Variants in DTX4 observed in about 807,000 individuals in gnomAD.
DTX4 encodes the protein deltex E3 ubiquitin ligase 4.
A neutral mutation model predicts 57.6 loss-of-function variants in DTX4; 28 were observed. The observed-to-expected ratio is 0.49, with a 90% CI of 0.36 to 0.67. The LOEUF (loss-of-function observed/expected upper bound fraction) is 0.67. DTX4 is among the 30% of genes least tolerant of loss of function. The pLI is 0.00. For missense variants in DTX4, 715 were observed against 836.8 expected, an observed-to-expected ratio of 0.85 and a Z score of 1.80; for synonymous variants, 316 against 331.0, an observed-to-expected ratio of 0.95 and a Z score of 0.49.
At chr11:59,188,932 G>A in intron 3 of DTX4, 136 bp downstream of exon 3, 1 of 967,258 alleles carries the variant, frequency 1.0e-6, no homozygotes. Flanking sequence ...AATTGCATGG[G>A]AAGGGTATGA....
chr11:59,171,788 T>C (rs539986537), upstream of DTX4, among the ~76,000 whole-genome samples: 39 of 151,786 alleles, frequency 2.6e-4, no homozygotes, highest in African/African-American at 9.2e-4. Flanking sequence ...AGACAATGCG[T>C]GTCTCCAGTT....
chr11:59,204,923 T>G lies in DTX4; in HGVS notation c.*14T>G, dbSNP rs1862786165. 6.4e-7 allele frequency: 1 copy of G among 1,562,032 alleles called. No homozygotes were observed. The highest frequency in any genetic ancestry group is 8.7e-7 in the Non-Finnish European group (1 of 1,152,082). On this transcript the variant is annotated 3_prime_UTR_variant, in exon 9 of 9. Coordinates refer to ENST00000227451, the MANE Select transcript of DTX4 (RefSeq NM_015177.2). ...GAGAAGGACTGAGGCCAGAAAAGCT[T>G]TGAGGTGGGAGGGGCCATGGAGACT...
chr11:59,186,842 C>A (rs1862535111), intron 2 of DTX4, among the ~76,000 whole-genome samples: 1 of 152,196 alleles, frequency 6.6e-6, no homozygotes, highest in Non-Finnish European at 1.5e-5. Context: ...GTTTTGTATT[C>A]AGCTTTCTCC....
At position 59,195,318 on chromosome 11, in the gene DTX4, C is replaced by T. The variant is rs1372768858; in HGVS notation, c.1485C>T (p.His495=). Residue 495 remains histidine (H), a synonymous_variant, in exon 7 of 9, where the codon CAC becomes CAT. Coordinates refer to ENST00000227451, the MANE Select transcript of DTX4 (RefSeq NM_015177.2). ...YHLIPHSLPG[H]PDCKTIRIIY... ...TCATCCCCCACTCCTTGCCTGGCCACCCAGACTGCAAAACCATCCGGATCA... is the reference window on the plus strand; with the variant it reads ...TCATCCCCCACTCCTTGCCTGGCCATCCAGACTGCAAAACCATCCGGATCA... 1 of 1,614,000 alleles carries T rather than the reference C, an allele frequency of 6.2e-7. No homozygotes were observed. Among genetic ancestry groups the T allele is most frequent in the Non-Finnish European group, 8.5e-7 (1 of 1,179,876 alleles).
At chr11:59,202,093 TG>T (rs1228751199) in intron 8 of DTX4, among the ~76,000 whole-genome samples, 24 of 152,236 alleles carry the variant, frequency 1.6e-4, no homozygotes, top group Non-Finnish European at 4.4e-5. Context: ...AAGCTTTTTG[TG>T]TGTAAAAGAA....
chr11:59,194,592 C>T (rs972342183), intron 6 of DTX4, among the ~76,000 whole-genome samples: 15 of 152,276 alleles, frequency 9.9e-5, no homozygotes, highest in African/African-American at 3.6e-4. Context: ...CCCAACAACC[C>T]GATGAGACAG....
rs1359616556 is a variant in DTX4, at chr11:59,180,843, ACT to A, written c.212-893_212-892del. Among the ~76,000 whole-genome samples the A allele has an allele frequency of 2.0e-5, 3 of 152,118 alleles. No individual in the cohort carries two copies. The East Asian group carries it at 5.8e-4, about 29-fold the overall frequency. The stretch of plus-strand genomic sequence containing the variant: ...GACCTCTTCCCGGCCCCAAAGTGAG[ACT>A]CTGAAAATTAAGACAATCCTACCTT... On this transcript the variant is annotated intron_variant, in intron 1 of 8. Coordinates refer to ENST00000227451, the MANE Select transcript of DTX4 (RefSeq NM_015177.2).
At chr11:59,172,908 T>C in intron 1 of DTX4, 102 bp downstream of exon 1, 1 of 862,040 alleles carries the variant, frequency 1.2e-6, no homozygotes, top group Non-Finnish European at 1.7e-6. Flanking sequence ...TAGTCGGCAC[T>C]TCTGTGCAGC....
chr11:59,195,020 T>C (rs1340837070), intron 6 of DTX4, 188 bp from the exon 7 acceptor site: 4 of 637,784 alleles, frequency 6.3e-6, no homozygotes, highest in African/African-American at 5.5e-5. Flanking sequence ...GGAATTTACC[T>C]CCTATTACTT....
At chr11:59,177,706 C>A (rs975155368) in intron 1 of DTX4, among the ~76,000 whole-genome samples, 2 of 152,218 alleles carry the variant, frequency 1.3e-5, no homozygotes, top group Non-Finnish European at 2.9e-5. Flanking sequence ...CCTTCACCCC[C>A]CCAGCTAGCC....
rs1349070328 is a variant in DTX4, at chr11:59,182,058, C to T, written c.531C>T (p.Ser177=). ...CTAAGGCTCAGTCCTGGCCAGTCAG[C>T]CCTGGGCCAGCCACCTCGCCCCCCA... ...TLPKAQSWPV[S]PGPATSPPMS... Residue 177 remains serine (S), a synonymous_variant, in exon 2 of 9, where the codon AGC becomes AGT. Coordinates refer to ENST00000227451, the MANE Select transcript of DTX4 (RefSeq NM_015177.2). 1.9e-6 allele frequency: 3 copies of T among 1,612,456 alleles called. No homozygotes were observed. Among genetic ancestry groups the T allele is most frequent in the Non-Finnish European group, 2.5e-6 (3 of 1,178,954 alleles).
intron 4 of DTX4, among the ~76,000 whole-genome samples, chr11:59,190,615 A>G (rs1862586356): frequency 6.6e-6 from 1 of 152,198 alleles, no homozygotes; most frequent in South Asian, 2.1e-4. Context: ...GCTGGCAGTG[A>G]CAGTGCCATC....
intron 5 of DTX4, 145 bp from the exon 6 acceptor site, chr11:59,191,953 A>C (rs1862604189): frequency 3.5e-6 from 3 of 848,500 alleles, no homozygotes; most frequent in Admixed American, 5.8e-5. Flanking sequence ...AACGATATTT[A>C]GATTCCAGAA....
chr11:59,186,008 CAA>C (rs1339437050), intron 2 of DTX4, among the ~76,000 whole-genome samples: 1 of 152,162 alleles, frequency 6.6e-6, no homozygotes, highest in Non-Finnish European at 1.5e-5. Context: ...GGGGCTAAAA[CAA>C]AGACTCCCTG....
rs373633947 is a variant in DTX4 at position 59,202,147 on chromosome 11, A to G, written c.1626+2374A>G. On this transcript the variant is annotated intron_variant, in intron 8 of 8. Coordinates refer to ENST00000227451, the MANE Select transcript of DTX4 (RefSeq NM_015177.2). ...CAAAGTGCACTCTTCTCAGCTTGAC[A>G]TATAAGACCTACTACAGTGTGAGTT... is the stretch of plus-strand genomic sequence containing the variant. Among the ~76,000 whole-genome samples, 179 of 152,394 alleles carry G rather than the reference A, an allele frequency of 1.2e-3. 2 individuals are homozygous for G. In the South Asian group the frequency reaches 0.031, roughly 26 times the overall value.
chr11:59,185,140 C>G (rs1862512282), intron 2 of DTX4: 1 of 152,176 alleles, frequency 6.6e-6, no homozygotes, highest in Non-Finnish European at 1.5e-5. Context: ...TAAAGGGAAG[C>G]AAGAAGGGGG....
At position 59,206,509 on chromosome 11, in the gene DTX4, GTATA is replaced by G. The variant is rs3837398; in HGVS notation, c.*1618_*1621del. The G allele has an allele frequency of 1.4e-3, 206 of 142,234 alleles. 2 individuals carry two copies. The South Asian group carries it at 0.031, about 21-fold the overall frequency. 8.8% of individuals were successfully genotyped at this position (142,234 alleles called of 1,614,324 possible). On this transcript the variant is annotated 3_prime_UTR_variant, in exon 9 of 9. Coordinates refer to ENST00000227451, the MANE Select transcript of DTX4 (RefSeq NM_015177.2). The stretch of plus-strand genomic sequence containing the variant: ...ATACCTCATGTTTTGGGGGTTTGAC[GTATA>G]TATATATATATATATATGCATATAT...
At chr11:59,193,712 A>AG (rs1379241410) in intron 6 of DTX4, among the ~76,000 whole-genome samples, 1 of 152,226 alleles carries the variant, frequency 6.6e-6, no homozygotes, top group African/African-American at 2.4e-5. Context: ...AACACATGAG[A>AG]GAAAAGGGCC....
rs1273831956 is a variant in DTX4, at chr11:59,207,905, CTCG to C, written c.*2999_*3001del. 6.6e-6 allele frequency: 1 copy of C among 152,448 alleles called. No homozygotes were observed. Among genetic ancestry groups the C allele is most frequent in the Non-Finnish European group, 1.5e-5 (1 of 68,056 alleles). The allele number at this position is 152,448 out of a possible 1,614,324, so 9.4% of individuals were successfully genotyped here. A position where few individuals can be genotyped will look rare whatever the true frequency, so the allele number is the denominator to read the frequency against. On this transcript the variant is annotated 3_prime_UTR_variant, in exon 9 of 9. Transcript: ENST00000227451. The stretch of plus-strand genomic sequence containing the variant: ...GTGGTTTTATACTTGGTCAAAAGTA[CTCG>C]TCTTGGTATTGCACTGTTGTGTGCA...
Sources: allele counts gnomAD v4.1 joint callset (sites outside exome capture counted in the v4.1 genomes callset), GRCh38; gene constraint gnomAD v4.1.1; transcripts MANE v1.5; gene names NCBI Gene and HGNC (gene_info 2026-07-23, HGNC 2026-07-21).